CSMD3: variants seen among roughly 807,000 people sequenced by gnomAD.
The protein encoded by CSMD3 is CUB and sushi domain-containing protein 3.
Under a neutral mutation model 435.2 loss-of-function variants are expected in CSMD3, and 177 were observed. The observed-to-expected ratio is 0.41, with a 90% CI of 0.36 to 0.46. The LOEUF is 0.46. Among genes scored for constraint, CSMD3 ranks in the 20% least tolerant of loss-of-function variants. CSMD3 has a pLI of 0.34. For synonymous variants in CSMD3, 1,656 were observed against 1,520.5 expected (o/e 1.09, Z -2.07); for missense variants, 4,265 against 4,504.6 (o/e 0.95, Z 1.52).
chr8:113,388,115 T>A (rs2094446988), intron 1 of CSMD3, among the ~76,000 whole-genome samples: 1 of 151,716 alleles, frequency 6.6e-6, no homozygotes, highest in Non-Finnish European at 1.5e-5. Context: ...TATTTGATTA[T>A]CTTTATATGC....
chr8:112,385,044 C>T (rs535133513), intron 36 of CSMD3, among the ~76,000 whole-genome samples: 25 of 152,136 alleles, frequency 1.6e-4, no homozygotes, highest in Admixed American at 5.9e-4. Flanking sequence ...ATTTAGTGGA[C>T]CATGAGTAAT....
chr8:113,288,505 T>A (rs991631228), intron 2 of CSMD3, among the ~76,000 whole-genome samples: 13 of 151,934 alleles, frequency 8.6e-5, no homozygotes, highest in African/African-American at 3.1e-4. Context: ...CCTTCTATAA[T>A]GTCCCCCTTC....
intron 32 of CSMD3, among the ~76,000 whole-genome samples, chr8:112,456,797 T>C (rs1039587775): frequency 6.6e-6 from 1 of 152,080 alleles, no homozygotes; most frequent in Non-Finnish European, 1.5e-5. Flanking sequence ...GTCCTTTTAC[T>C]GCAGGGTACA....
In CSMD3 at chr8:112,685,377, A is replaced by T. The variant is rs775886044; in HGVS notation, c.2482+29T>A. On this transcript the variant is annotated intron_variant, in intron 15 of 70. Transcript: ENST00000297405. ...ACTCAAATTTATAGAAATATATTAT[A>T]TGGGAAAAAAACAGAAACAGAAACT... is the stretch of plus-strand genomic sequence containing the variant. The T allele has an allele frequency of 2.6e-6, 4 of 1,561,472 alleles. No homozygotes were observed. The Admixed American group carries it at 6.7e-5, about 26-fold the overall frequency.
At chr8:113,397,660 CA>C (rs984964607) in intron 1 of CSMD3, among the ~76,000 whole-genome samples, 3 of 150,790 alleles carry the variant, frequency 2.0e-5, no homozygotes, top group Non-Finnish European at 4.4e-5. Context: ...AGTAAAAATA[CA>C]AAAAAAATTA....
chr8:112,227,839 G>A (rs28495398), intron 70 of CSMD3, among the ~76,000 whole-genome samples: 64,069 of 151,838 alleles, frequency 0.42, 16,250 homozygotes, highest in African/African-American at 0.72. Context: ...TCAGGAGATC[G>A]AGACCATCCT....
chr8:112,706,876 G>A (rs1433608188), intron 13 of CSMD3, among the ~76,000 whole-genome samples: 1 of 152,016 alleles, frequency 6.6e-6, no homozygotes, highest in Non-Finnish European at 1.5e-5. Flanking sequence ...CAGTAAAATG[G>A]AAGTATCAGG....
rs760261275 is a variant in CSMD3, at chr8:112,976,079, G to A, written c.1100C>T (p.Ala367Val). 6.2e-7 allele frequency: 1 copy of A among 1,614,028 alleles called. No individual in the cohort carries two copies. The highest frequency in any genetic ancestry group is 8.5e-7 in the Non-Finnish European group (1 of 1,179,936). ...LEEHNRTTTG[A>V]IAVASTPADV... ...TGCAGGTGTGCTAGCAACAGCAATAGCACCAGTGGTAGTCCTGTTATGCTC... is the reference window on the plus strand; with the variant it reads ...TGCAGGTGTGCTAGCAACAGCAATAACACCAGTGGTAGTCCTGTTATGCTC... Residue 367 changes from alanine (A) to valine (V), a missense_variant, in exon 7 of 71, where the codon GCT (alanine) becomes GTT (valine). Coordinates refer to ENST00000297405, the MANE Select transcript of CSMD3 (RefSeq NM_198123.2).
At chr8:112,644,488 T>C (rs933056436) in intron 20 of CSMD3, among the ~76,000 whole-genome samples, 4 of 152,052 alleles carry the variant, frequency 2.6e-5, no homozygotes, top group African/African-American at 9.7e-5. Context: ...TTGAATCTCA[T>C]GAATGAACCA....
chr8:113,273,123 A>T (rs2093542406), intron 3 of CSMD3, among the ~76,000 whole-genome samples: 1 of 152,040 alleles, frequency 6.6e-6, no homozygotes, highest in Admixed American at 6.6e-5. Context: ...CATATACCCT[A>T]TAAATATGTA....
At chr8:112,771,661 C>G (rs568387611) in intron 13 of CSMD3, among the ~76,000 whole-genome samples, 2 of 152,056 alleles carry the variant, frequency 1.3e-5, no homozygotes, top group Non-Finnish European at 1.5e-5. Flanking sequence ...ATCTCCCTCA[C>G]AATAAAAATA....
intron 1 of CSMD3, among the ~76,000 whole-genome samples, chr8:113,369,139 C>A (rs2094331882): frequency 6.6e-6 from 1 of 151,890 alleles, no homozygotes; most frequent in Admixed American, 6.6e-5. Context: ...CTATCAATTT[C>A]TCACCATATT....
Position 112,700,707 on chromosome 8 carries a change from T to G in CSMD3, c.1973-10657A>C, listed in dbSNP as rs542353081. On this transcript the variant is annotated intron_variant, in intron 13 of 70. Transcript: ENST00000297405. The stretch of plus-strand genomic sequence containing the variant: ...CGGACAGAACAACCATGGTAACAGT[T>G]GCCGTTTTCTTGTCAATTGCAACAT... Among the ~76,000 whole-genome samples the G allele has an allele frequency of 2.5e-3, 379 of 152,196 alleles. 3 individuals carry two copies. Among genetic ancestry groups the G allele is most frequent in the Non-Finnish European group, 4.3e-3 (290 of 68,010 alleles).
chr8:112,894,784 G>C (rs891780376), intron 10 of CSMD3, among the ~76,000 whole-genome samples: 5 of 151,000 alleles, frequency 3.3e-5, no homozygotes. Context: ...TTAATTGCTT[G>C]GAAAATAACC....
intron 4 of CSMD3, among the ~76,000 whole-genome samples, chr8:113,115,750 T>C (rs924713307): frequency 6.6e-6 from 1 of 152,224 alleles, no homozygotes; most frequent in Non-Finnish European, 1.5e-5. Context: ...TTGCTACAGA[T>C]GTGAGTAAAT....
chr8:112,975,811 G>T (rs2130931013), intron 7 of CSMD3, 26 bp downstream of exon 7: 1 of 1,611,790 alleles, frequency 6.2e-7, no homozygotes. Flanking sequence ...TAACTAAATG[G>T]GCACAAGTAA....
At chr8:113,078,348 T>A (rs928425595) in intron 5 of CSMD3, among the ~76,000 whole-genome samples, 20 of 152,308 alleles carry the variant, frequency 1.3e-4, no homozygotes, top group African/African-American at 4.6e-4. Context: ...AAAGATTAAA[T>A]GTTTTCTTAT....
At position 112,333,038 on chromosome 8, in the gene CSMD3, A is replaced by G. The variant is rs1824212667; in HGVS notation, c.7165+2291T>C. On this transcript the variant is annotated intron_variant, in intron 45 of 70. Coordinates refer to ENST00000297405, the MANE Select transcript of CSMD3 (RefSeq NM_198123.2). ...ATTATACATATATAATATGACATTTAATCCTCTCAGCAATTCTATCACATT... is the reference window on the plus strand; with the variant it reads ...ATTATACATATATAATATGACATTTGATCCTCTCAGCAATTCTATCACATT... 2.0e-5 allele frequency among the ~76,000 whole-genome samples: 3 copies of G among 152,216 alleles called. No homozygotes were observed. In the South Asian group the frequency reaches 6.2e-4, roughly 32 times the overall value.
intron 1 of CSMD3, among the ~76,000 whole-genome samples, chr8:113,376,497 A>C (rs2094383730): frequency 2.0e-5 from 3 of 152,136 alleles, no homozygotes; most frequent in African/African-American, 7.2e-5. Context: ...TGTACAAGAC[A>C]CTTAAGAGTA....
Sources: gnomAD v4.1 joint callset for allele counts (sites outside exome capture counted in the v4.1 genomes callset) on GRCh38, gnomAD v4.1.1 for gene constraint, MANE v1.5 for transcripts, NCBI Gene and HGNC (gene_info 2026-07-23, HGNC 2026-07-21) for gene names.